The following ROR1 variants were observed in gnomAD, a reference collection of about 807,000 sequenced individuals.
ROR1 encodes the protein inactive tyrosine-protein kinase transmembrane receptor ROR1.
ROR1 carries 19 observed loss-of-function variants against 78.8 expected under a neutral mutation model. The ratio of observed to expected loss-of-function variants is 0.24; its 90% CI spans 0.17 to 0.35. ROR1 has a LOEUF of 0.35. Ranked by LOEUF, ROR1 falls within the 10% of genes least tolerant of loss-of-function variation. The pLI, the probability that ROR1 is intolerant of heterozygous loss-of-function variation, is 1.00. For synonymous variants in ROR1, 386 were observed against 433.6 expected (o/e 0.89, Z 1.36); for missense variants, 917 against 1,177.8 (o/e 0.78, Z 3.24).
At chr1:63,953,673 C>A (rs1385265889) in intron 1 of ROR1, among the ~76,000 whole-genome samples, 2 of 152,092 alleles carry the variant, frequency 1.3e-5, no homozygotes, top group Non-Finnish European at 2.9e-5. Context: ...TACTGGGTTG[C>A]AGTAGATGGA....
rs112553183 is a variant in ROR1 at position 63,813,096 on chromosome 1, T to G, written c.91+38588T>G. The stretch of plus-strand genomic sequence containing the variant: ...AAAAAAAGTTGGTTATCAAATCTTT[T>G]AAACCATTTATGTGATTTAGAAAAC... On this transcript the variant is annotated intron_variant, in intron 1 of 8. Transcript: ENST00000371079. 7.4e-3 allele frequency among the ~76,000 whole-genome samples: 1,134 copies of G among 152,334 alleles called. 4 individuals are homozygous for G. Among genetic ancestry groups the G allele is most frequent in the Middle Eastern group, 0.02 (6 of 294 alleles).
chr1:63,826,284 C>T (rs958616431), intron 1 of ROR1, among the ~76,000 whole-genome samples: 1 of 152,054 alleles, frequency 6.6e-6, no homozygotes, highest in Admixed American at 6.6e-5. Context: ...TGTTGTTCCC[C>T]TCTATGTGTT....
rs1198256317 is a variant in ROR1, at chr1:64,057,098, CTG to C, written c.482+6384_482+6385del. The stretch of plus-strand genomic sequence containing the variant: ...TGCAAGCGTACAAAGATTTACTCCT[CTG>C]TTTTTTTCCTAAAAGTTTTTATTTA... On this transcript the variant is annotated intron_variant, in intron 4 of 8. Coordinates refer to ENST00000371079, the MANE Select transcript of ROR1 (RefSeq NM_005012.4). 2.6e-5 allele frequency among the ~76,000 whole-genome samples: 4 copies of C among 152,296 alleles called. No individual in the cohort carries two copies. In the East Asian group the frequency reaches 7.7e-4, roughly 29 times the overall value.
chr1:64,064,211 G>T (rs575924534), intron 4 of ROR1, among the ~76,000 whole-genome samples: 1 of 152,320 alleles, frequency 6.6e-6, no homozygotes, highest in East Asian at 1.9e-4. Flanking sequence ...ACTTAGGTTG[G>T]AGGGAAAAAT....
intron 1 of ROR1, among the ~76,000 whole-genome samples, chr1:63,933,563 A>G (rs1000799577): frequency 1.3e-5 from 2 of 152,220 alleles, no homozygotes; most frequent in African/African-American, 4.8e-5. Context: ...TTAAGAGACC[A>G]TTAAGATCTT....
intron 1 of ROR1, among the ~76,000 whole-genome samples, chr1:63,908,832 C>G (rs1486423863): frequency 6.6e-6 from 1 of 152,190 alleles, no homozygotes; most frequent in African/African-American, 2.4e-5. Flanking sequence ...CTGATCCGGC[C>G]CCTACCATGA....
chr1:63,937,386 G>T (rs779481393), intron 1 of ROR1, among the ~76,000 whole-genome samples: 1 of 152,144 alleles, frequency 6.6e-6, no homozygotes, highest in African/African-American at 2.4e-5. Flanking sequence ...GCCCTTTCAG[G>T]TACCAACACT....
chr1:63,834,287 C>T (rs1645006929), intron 1 of ROR1, among the ~76,000 whole-genome samples: 1 of 151,642 alleles, frequency 6.6e-6, no homozygotes, highest in Non-Finnish European at 1.5e-5. Context: ...AGTGTGGTGT[C>T]TCTAGAAGAA....
At chr1:63,826,228 G>A (rs998159863) in intron 1 of ROR1, among the ~76,000 whole-genome samples, 8 of 151,940 alleles carry the variant, frequency 5.3e-5, no homozygotes, top group East Asian at 1.9e-4. Context: ...TATTTTTCCC[G>A]ATGCTCTCCT....
chr1:63,838,505 A>G (rs925055256), intron 1 of ROR1, among the ~76,000 whole-genome samples: 1 of 152,106 alleles, frequency 6.6e-6, no homozygotes, highest in Non-Finnish European at 1.5e-5. Context: ...GTTTAAATAG[A>G]AAAAAGCTTA....
chr1:63,827,238 T>C (rs1644959260), intron 1 of ROR1, among the ~76,000 whole-genome samples: 1 of 152,188 alleles, frequency 6.6e-6, no homozygotes, highest in South Asian at 2.1e-4. Context: ...CTGTAGGTAG[T>C]CTGTTTACTC....
intron 2 of ROR1, among the ~76,000 whole-genome samples, chr1:64,019,240 T>C (rs985502564): frequency 7.9e-5 from 12 of 152,228 alleles, no homozygotes; most frequent in African/African-American, 2.7e-4. Context: ...AATACAAGTA[T>C]AGGTGCTTGG....
intron 1 of ROR1, among the ~76,000 whole-genome samples, chr1:63,998,437 A>G (rs1439017542): frequency 6.6e-6 from 1 of 152,130 alleles, no homozygotes; most frequent in East Asian, 1.9e-4. Context: ...CAACATGAAA[A>G]ATATTTTTAT....
intron 1 of ROR1, among the ~76,000 whole-genome samples, chr1:63,921,464 C>A (rs934957976): frequency 6.6e-6 from 1 of 152,012 alleles, no homozygotes; most frequent in Non-Finnish European, 1.5e-5. Flanking sequence ...ACTTTCACAC[C>A]AGAAGAGGCA....
At position 63,907,629 on chromosome 1, in the gene ROR1, A is replaced by C. The variant is rs192680411; in HGVS notation, c.92-101676A>C. ...CTTCTAAAGTTCACTGAGCCTTTGA[A>C]TCCCCTCTTAAGCATTAGTTCACTG... is the stretch of plus-strand genomic sequence containing the variant. On this transcript the variant is annotated intron_variant, in intron 1 of 8. Coordinates refer to ENST00000371079, the MANE Select transcript of ROR1 (RefSeq NM_005012.4). 3.3e-5 allele frequency among the ~76,000 whole-genome samples: 5 copies of C among 152,282 alleles called. No homozygotes were observed. In the East Asian group the frequency reaches 9.6e-4, roughly 29 times the overall value.
intron 1 of ROR1, chr1:63,843,518 C>T (rs1645062359): frequency 6.6e-6 from 5 of 754,708 alleles, no homozygotes; most frequent in Admixed American, 3.6e-5. Context: ...TCACATCGCC[C>T]ACCAGGATCT....
chr1:63,882,796 A>C (rs67986387), intron 1 of ROR1, among the ~76,000 whole-genome samples: 14,722 of 152,218 alleles, frequency 0.097, 879 homozygotes, highest in Non-Finnish European at 0.13. Context: ...GGCCTACTAC[A>C]AAAGGAGTGT....
chr1:63,957,156 TCTC>T (rs1478471266), intron 1 of ROR1, among the ~76,000 whole-genome samples: 2 of 152,120 alleles, frequency 1.3e-5, no homozygotes, highest in East Asian at 1.9e-4. Flanking sequence ...GTAGCAAACA[TCTC>T]CTATCACCAT....
intron 2 of ROR1, among the ~76,000 whole-genome samples, chr1:64,026,333 A>G (rs1646609383): frequency 6.6e-6 from 1 of 152,212 alleles, no homozygotes; most frequent in Non-Finnish European, 1.5e-5. Flanking sequence ...TTCAAAAATT[A>G]CTATTATTAC....
Sources: allele counts gnomAD v4.1 joint callset (sites outside exome capture counted in the v4.1 genomes callset), GRCh38; gene constraint gnomAD v4.1.1; transcripts MANE v1.5; gene names NCBI Gene and HGNC (gene_info 2026-07-23, HGNC 2026-07-21).